Variants in RPS6KA2 observed in about 807,000 individuals in gnomAD.
RPS6KA2 encodes the protein ribosomal protein S6 kinase A2.
A neutral mutation model predicts 91.8 loss-of-function variants in RPS6KA2; 42 were observed. That is an observed-to-expected ratio of 0.46 (90% confidence interval 0.36 to 0.59). The LOEUF (loss-of-function observed/expected upper bound fraction) is 0.59, where lower values mean the gene tolerates loss of function less well. Ranked by LOEUF, RPS6KA2 falls within the 20% of genes least tolerant of loss-of-function variation. The probability of loss-of-function intolerance (pLI) is 0.00; values close to 1 mark genes in which losing one functional copy is unlikely to be tolerated. For synonymous variants in RPS6KA2, 414 were observed against 393.6 expected (o/e 1.05, Z -0.61); for missense variants, 798 against 978.5 (o/e 0.82, Z 2.46).
intron 2 of RPS6KA2, among the ~76,000 whole-genome samples, chr6:166,805,315 T>A (rs1460725648): frequency 6.6e-6 from 1 of 152,220 alleles, no homozygotes; most frequent in Non-Finnish European, 1.5e-5. Flanking sequence ...ATCACAGAGT[T>A]GCAGACAGAG....
At chr6:166,452,425 T>G (rs1219736371) in intron 12 of RPS6KA2, among the ~76,000 whole-genome samples, 3 of 152,002 alleles carry the variant, frequency 2.0e-5, no homozygotes, top group Admixed American at 6.5e-5. Context: ...CAATGCAATC[T>G]CTATCAAAAA....
At chr6:166,420,706 CACATG>C (rs1181978520) in intron 17 of RPS6KA2, among the ~76,000 whole-genome samples, 1 of 152,174 alleles carries the variant, frequency 6.6e-6, no homozygotes, top group Non-Finnish European at 1.5e-5. Flanking sequence ...CATGGGTGGA[CACATG>C]TCTCTTTGCG....
intron 2 of RPS6KA2, among the ~76,000 whole-genome samples, chr6:166,780,735 A>C (rs1337278697): frequency 1.3e-5 from 2 of 152,212 alleles, no homozygotes; most frequent in Non-Finnish European, 2.9e-5. Flanking sequence ...TATGCTATTT[A>C]TAGTTTTCAT....
chr6:166,459,293 G>A lies in RPS6KA2; in HGVS notation c.1075+156C>T, dbSNP rs1439573291. On this transcript the variant is annotated intron_variant, in intron 12 of 20. Coordinates refer to ENST00000265678, the MANE Select transcript of RPS6KA2 (RefSeq NM_021135.6). The surrounding 1 kb of genome is among the most constrained non-coding windows in gnomAD (Gnocchi z 4.9). Reference sequence around the variant, plus strand: ...GGCTATCACTTAAACCTTTATCACTGAGCAGAGAAAACAACAACAAAAAAC... The same window carrying A: ...GGCTATCACTTAAACCTTTATCACTAAGCAGAGAAAACAACAACAAAAAAC... 6.6e-6 allele frequency among the ~76,000 whole-genome samples: 1 copy of A among 152,168 alleles called. No homozygotes were observed. The highest frequency in any genetic ancestry group is 1.5e-5 in the Non-Finnish European group (1 of 68,026).
At chr6:166,581,353 G>A (rs974504586) in intron 1 of RPS6KA2, among the ~76,000 whole-genome samples, 4 of 152,096 alleles carry the variant, frequency 2.6e-5, no homozygotes, top group Admixed American at 6.5e-5. Context: ...GGGCTCCAGC[G>A]CCTTCTGGGG....
At chr6:166,809,453 G>A (rs1370041962) in intron 2 of RPS6KA2, among the ~76,000 whole-genome samples, 1 of 151,986 alleles carries the variant, frequency 6.6e-6, no homozygotes, top group African/African-American at 2.4e-5. Flanking sequence ...AACCATCAAG[G>A]GACTGATATT....
intron 2 of RPS6KA2, among the ~76,000 whole-genome samples, chr6:166,817,402 AAC>A (rs5881717): frequency 1.1e-4 from 17 of 151,274 alleles, no homozygotes; most frequent in Middle Eastern, 6.8e-3. Context: ...CACGCATGTA[AAC>A]ACACACACAC....
intron 2 of RPS6KA2, among the ~76,000 whole-genome samples, chr6:166,747,620 C>A (rs1252169829): frequency 6.6e-6 from 1 of 152,156 alleles, no homozygotes; most frequent in Non-Finnish European, 1.5e-5. Context: ...AGGCATGAGG[C>A]TGGGCAGGGG....
At chr6:166,443,608 G>A (rs982810692) in intron 14 of RPS6KA2, among the ~76,000 whole-genome samples, 7 of 152,224 alleles carry the variant, frequency 4.6e-5, no homozygotes, top group African/African-American at 1.7e-4. Flanking sequence ...GAAGGCTGCT[G>A]TGAAATTCTT....
intron 1 of RPS6KA2, among the ~76,000 whole-genome samples, chr6:166,609,133 C>T (rs897638961): frequency 2.0e-5 from 3 of 152,130 alleles, no homozygotes; most frequent in Non-Finnish European, 2.9e-5. Context: ...CTCAGTTCCT[C>T]CCCCTGGATA....
At chr6:166,636,890 T>C (rs900600966) in intron 2 of RPS6KA2, among the ~76,000 whole-genome samples, 2 of 152,100 alleles carry the variant, frequency 1.3e-5, no homozygotes, top group Admixed American at 6.5e-5. Context: ...CAAGGACAAA[T>C]AGCTATAGGC....
In RPS6KA2 at chr6:166,493,023, C is replaced by T. The variant is rs1027663091; in HGVS notation, c.748-2282G>A. ...CTTGGATTATAGGCGTGAGCCACTG[C>T]GCCTGGTCTGGTGATTTCTTTTTAG... On this transcript the variant is annotated intron_variant, in intron 8 of 20. Coordinates refer to ENST00000265678, the MANE Select transcript of RPS6KA2 (RefSeq NM_021135.6). The surrounding 1 kb of genome is among the most constrained non-coding windows in gnomAD (Gnocchi z 4.7). Among the ~76,000 whole-genome samples, 4 of 151,884 alleles carry T rather than the reference C, an allele frequency of 2.6e-5. No homozygotes were observed. Among genetic ancestry groups the T allele is most frequent in the African/African-American group, 4.8e-5 (2 of 41,328 alleles).
chr6:166,664,509 G>C (rs1216112512), intron 2 of RPS6KA2, among the ~76,000 whole-genome samples: 1 of 152,168 alleles, frequency 6.6e-6, no homozygotes, highest in Non-Finnish European at 1.5e-5. Context: ...GCCCCTTGCG[G>C]CATGGAGGAA....
intron 2 of RPS6KA2, among the ~76,000 whole-genome samples, chr6:166,844,477 T>C (rs983245056): frequency 1.3e-5 from 2 of 152,164 alleles, no homozygotes; most frequent in African/African-American, 4.8e-5. Flanking sequence ...CATCAAGTTA[T>C]CTACAGTCAA....
chr6:166,644,179 G>A (rs1562360454), intron 2 of RPS6KA2, among the ~76,000 whole-genome samples: 1 of 152,000 alleles, frequency 6.6e-6, no homozygotes, highest in African/African-American at 2.4e-5. Context: ...ACATAACCTT[G>A]GGCAACTGAG....
At chr6:166,672,676 G>C (rs896104666) in intron 2 of RPS6KA2, among the ~76,000 whole-genome samples, 3 of 152,226 alleles carry the variant, frequency 2.0e-5, no homozygotes, top group African/African-American at 4.8e-5. Flanking sequence ...AGAAAGGAAT[G>C]ACATTGTACT....
intron 2 of RPS6KA2, among the ~76,000 whole-genome samples, chr6:166,738,059 C>T (rs915540387): frequency 2.6e-5 from 4 of 152,210 alleles, no homozygotes; most frequent in Non-Finnish European, 4.4e-5. Context: ...TGCTATATTA[C>T]TGTCCCATGA....
chr6:166,808,926 A>G (rs897334478), intron 2 of RPS6KA2, among the ~76,000 whole-genome samples: 1 of 152,256 alleles, frequency 6.6e-6, no homozygotes, highest in Admixed American at 6.5e-5. Flanking sequence ...CTGTGAAAAA[A>G]CAGGGTACAG....
At chr6:166,431,495 A>G (rs958535214) in intron 15 of RPS6KA2, among the ~76,000 whole-genome samples, 3 of 152,382 alleles carry the variant, frequency 2.0e-5, no homozygotes, top group African/African-American at 7.2e-5. Flanking sequence ...GGCAGAGTCC[A>G]GGGCGAAGTT....
Sources: allele counts gnomAD v4.1 joint callset (sites outside exome capture counted in the v4.1 genomes callset), GRCh38; gene constraint gnomAD v4.1.1; non-coding constraint Gnocchi (gnomAD v3.1); transcripts MANE v1.5; gene names NCBI Gene and HGNC (gene_info 2026-07-23, HGNC 2026-07-21).